The following CNKSR2 variants were observed in gnomAD, a reference collection of about 807,000 sequenced individuals.
The protein encoded by CNKSR2 is CNK homolog protein 2.
Under a neutral mutation model 84.4 loss-of-function variants are expected in CNKSR2, and 14 were observed. The observed-to-expected ratio is 0.17, with a 90% CI of 0.11 to 0.26. The LOEUF (loss-of-function observed/expected upper bound fraction) is 0.26. Among genes scored for constraint, CNKSR2 ranks in the 10% least tolerant of loss-of-function variants. CNKSR2 has a pLI of 1.00. For synonymous variants in CNKSR2, 275 were observed against 277.9 expected (o/e 0.99, Z 0.10); for missense variants, 485 against 771.2 (o/e 0.63, Z 4.40).
chrX:21,507,706 T>G (rs988962540), intron 8 of CNKSR2, among the ~76,000 whole-genome samples: 1 of 111,836 alleles, frequency 8.9e-6, no homozygotes, highest in Non-Finnish European at 1.9e-5. Context: ...AAGTTGTACA[T>G]TTTTAAACAT....
At chrX:21,493,182 T>G (rs1040109368) in intron 6 of CNKSR2, 2 of 112,420 alleles carry the variant, frequency 1.8e-5, no homozygotes, top group African/African-American at 6.5e-5. Flanking sequence ...GAAACAACCT[T>G]AGTTATGATT....
chrX:21,637,093 C>G (rs2092675744), intron 20 of CNKSR2, among the ~76,000 whole-genome samples: 1 of 111,563 alleles, frequency 9.0e-6, no homozygotes. Context: ...TTCAGATCTG[C>G]CTTAATTTCA....
chrX:21,563,266 T>C lies in CNKSR2; in HGVS notation c.1422T>C (p.Asn474=), dbSNP rs1376883823. 1 of 1,208,435 alleles carries C rather than the reference T, an allele frequency of 8.3e-7. No individual in the cohort carries two copies. Among genetic ancestry groups the C allele is most frequent in the Non-Finnish European group, 1.1e-6 (1 of 893,508 alleles). ...RENSLLRYMS[N]EKIAQEEYMF... ...ACTCTCTACTTCGGTATATGAGCAA[T>C]GAAAAGATTGCTCAAGAAGAATACA... is the stretch of plus-strand genomic sequence containing the variant. The change falls in exon 13 of 22, where the codon AAT becomes AAC. Residue 474 remains asparagine, a synonymous_variant. Transcript: ENST00000379510.
At chrX:21,400,941 CCTTT>C (rs1235676268) in intron 1 of CNKSR2, among the ~76,000 whole-genome samples, 1 of 111,344 alleles carries the variant, frequency 9.0e-6, no homozygotes, top group African/African-American at 3.2e-5. Context: ...TTCAATGACT[CCTTT>C]CTTTCTTACT....
chrX:21,445,598 T>G (rs2090842868), intron 4 of CNKSR2, among the ~76,000 whole-genome samples: 1 of 111,309 alleles, frequency 9.0e-6, no homozygotes, highest in African/African-American at 3.3e-5. Flanking sequence ...CCCTATCCCC[T>G]CCTCTCTCCT....
At chrX:21,616,944 A>G (rs2092579517) in intron 20 of CNKSR2, among the ~76,000 whole-genome samples, 1 of 111,907 alleles carries the variant, frequency 8.9e-6, no homozygotes, top group Non-Finnish European at 1.9e-5. Context: ...AATAATCTCA[A>G]AAGTGTTAGT....
At chrX:21,486,631 C>G (rs1465688155) in intron 5 of CNKSR2, among the ~76,000 whole-genome samples, 2 of 111,588 alleles carry the variant, frequency 1.8e-5, no homozygotes, top group Non-Finnish European at 3.8e-5. Flanking sequence ...AGCATTGTGC[C>G]AGACACATGG....
intron 11 of CNKSR2, among the ~76,000 whole-genome samples, chrX:21,534,047 G>A (rs748442246): frequency 1.1e-4 from 12 of 110,067 alleles, no homozygotes; most frequent in South Asian, 3.8e-4. Flanking sequence ...TCATGTAGCT[G>A]TAATTTATAT....
chrX:21,642,442 A>G (rs2092694754), intron 20 of CNKSR2: 1 of 747,020 alleles, frequency 1.3e-6, no homozygotes. Flanking sequence ...ATGTCTTTCA[A>G]ACTAGCTTCA....
At chrX:21,542,011 C>G (rs1352140327) in intron 11 of CNKSR2, among the ~76,000 whole-genome samples, 1 of 111,846 alleles carries the variant, frequency 8.9e-6, no homozygotes, top group Non-Finnish European at 1.9e-5. Context: ...TTTATATGTT[C>G]TTGTGTATGT....
intron 4 of CNKSR2, among the ~76,000 whole-genome samples, chrX:21,445,136 A>G (rs2052317515): frequency 9.0e-6 from 1 of 111,509 alleles, no homozygotes. Context: ...ACCTTCCTGA[A>G]TCAGACATTC....
intron 20 of CNKSR2, among the ~76,000 whole-genome samples, chrX:21,628,278 C>G (rs1350747597): frequency 8.9e-6 from 1 of 111,807 alleles, no homozygotes; most frequent in Non-Finnish European, 1.9e-5. Context: ...GCTGCTTTCA[C>G]AGGCTGGCAT....
intron 20 of CNKSR2, among the ~76,000 whole-genome samples, chrX:21,622,435 C>T (rs1268825009): frequency 9.0e-6 from 1 of 110,901 alleles, no homozygotes; most frequent in African/African-American, 3.3e-5. Context: ...CCTTTCCCTC[C>T]CTCATTGGGA....
At chrX:21,595,205 G>T in intron 16 of CNKSR2, 119 bp from the exon 17 acceptor site, 1 of 659,314 alleles carries the variant, frequency 1.5e-6, no homozygotes, top group South Asian at 2.8e-5. Context: ...CTGTCACCAT[G>T]ATAGAAGCAT....
At position 21,575,073 on chromosome X, in the gene CNKSR2, G is replaced by A. The variant is rs766103462; in HGVS notation, c.1608+11621G>A. Among the ~76,000 whole-genome samples, 299 of 111,174 alleles carry A rather than the reference G, an allele frequency of 2.7e-3. 1 individual carries two copies. Among genetic ancestry groups the A allele is most frequent in the African/African-American group, 9.0e-3 (277 of 30,618 alleles). On this transcript the variant is annotated intron_variant, in intron 13 of 21. Coordinates refer to ENST00000379510, the MANE Select transcript of CNKSR2 (RefSeq NM_014927.5). ...ACCTAGTTATTTTTTCCATTGAAAAGTAGAGATAAAGAGATAGACCCAAGG... is the reference window on the plus strand; with the variant it reads ...ACCTAGTTATTTTTTCCATTGAAAAATAGAGATAAAGAGATAGACCCAAGG...
intron 20 of CNKSR2, among the ~76,000 whole-genome samples, chrX:21,618,105 A>G (rs1003064454): frequency 9.0e-6 from 1 of 111,228 alleles, no homozygotes; most frequent in Non-Finnish European, 1.9e-5. Flanking sequence ...CCAGCCTTCA[A>G]AAGGCAGAAA....
chrX:21,644,445 G>T (rs942303100), intron 20 of CNKSR2: 3 of 112,133 alleles, frequency 2.7e-5, no homozygotes, highest in African/African-American at 9.7e-5. Flanking sequence ...GCAGGGATGT[G>T]AAAATGGGGT....
At chrX:21,641,036 G>A (rs2092690004) in intron 20 of CNKSR2, among the ~76,000 whole-genome samples, 1 of 112,168 alleles carries the variant, frequency 8.9e-6, no homozygotes, top group South Asian at 3.7e-4. Flanking sequence ...GGACATGGTA[G>A]CATATATATC....
chrX:21,431,544 G>A (rs760696449), intron 2 of CNKSR2, among the ~76,000 whole-genome samples: 1 of 111,373 alleles, frequency 9.0e-6, no homozygotes, highest in East Asian at 2.8e-4. Context: ...ACATTCTTTG[G>A]GTTTTGCCAT....
Sources: gnomAD v4.1 joint callset for allele counts (sites outside exome capture counted in the v4.1 genomes callset) on GRCh38, gnomAD v4.1.1 for gene constraint, MANE v1.5 for transcripts, NCBI Gene and HGNC (gene_info 2026-07-23, HGNC 2026-07-21) for gene names.